The following LRRIQ3 variants were observed in gnomAD, a reference collection of about 807,000 sequenced individuals.
LRRIQ3 encodes the protein leucine-rich repeat and IQ domain-containing protein 3.
Under a neutral mutation model 59.3 loss-of-function variants are expected in LRRIQ3, and 75 were observed. The ratio of observed to expected loss-of-function variants is 1.26; its 90% CI spans 1.05 to 1.53. The LOEUF (loss-of-function observed/expected upper bound fraction) is 1.53, where lower values mean the gene tolerates loss of function less well. Ranked by LOEUF, LRRIQ3 falls within the 40% of genes most tolerant of loss-of-function variation. LRRIQ3 has a pLI of 0.00. For synonymous variants in LRRIQ3, 250 were observed against 231.3 expected, an observed-to-expected ratio of 1.08 and a Z score of -0.73; for missense variants, 831 against 710.0, an observed-to-expected ratio of 1.17 and a Z score of -1.94.
chr1:74,197,453 G>C (rs1285111042), intron 1 of LRRIQ3, among the ~76,000 whole-genome samples: 1 of 151,930 alleles, frequency 6.6e-6, no homozygotes, highest in Non-Finnish European at 1.5e-5. Flanking sequence ...AAGAAACCTC[G>C]TGTTCTATAA....
intron 5 of LRRIQ3, among the ~76,000 whole-genome samples, chr1:74,094,534 G>A (rs527362316): frequency 1.2e-4 from 18 of 152,134 alleles, no homozygotes; most frequent in Admixed American, 6.6e-4. Context: ...AAAAACATCA[G>A]CCATGTAAAC....
intron 6 of LRRIQ3, 44 bp downstream of exon 6, chr1:74,074,617 C>A: frequency 1.1e-6 from 1 of 923,886 alleles, no homozygotes. Flanking sequence ...TACTCTTCAT[C>A]AAAATATATT....
rs775891642 is a variant in LRRIQ3 at position 74,041,250 on chromosome 1, A to T, written c.1681T>A (p.Tyr561Asn). The T allele has an allele frequency of 6.3e-6, 10 of 1,590,966 alleles. No individual in the cohort carries two copies. In the South Asian group the frequency reaches 1.1e-4, roughly 17 times the overall value. ...IVKQKLKAEK[Y>N]RKNLLKEMKK... ...ATTTCTTTAAGTAAATTCTTTCTAT[A>T]TTTTTCTGCTTTTAGTTTTTGCTTA... The change falls in exon 7 of 8, where the codon TAT becomes AAT. Residue 561 changes from tyrosine (Y) to asparagine (N), a missense_variant. Coordinates refer to ENST00000354431, the MANE Select transcript of LRRIQ3 (RefSeq NM_001105659.2).
At chr1:74,187,349 T>C (rs528428381) in intron 1 of LRRIQ3, among the ~76,000 whole-genome samples, 2 of 122,668 alleles carry the variant, frequency 1.6e-5, no homozygotes, top group East Asian at 7.4e-4. Context: ...TATAGGTATA[T>C]GTTTACACAC....
Position 74,132,118 on chromosome 1 carries a change from T to G in LRRIQ3, c.708-22565A>C, listed in dbSNP as rs552470813. On this transcript the variant is annotated intron_variant, in intron 4 of 7. Transcript: ENST00000354431. ...AGCCAAATCATGAGTGAACTCCCAT[T>G]CACAACTGCATCAAAGAGAATAAAA... Among the ~76,000 whole-genome samples, 9 of 152,128 alleles carry G rather than the reference T, an allele frequency of 5.9e-5. No homozygotes were observed. The South Asian group carries it at 1.5e-3, about 25-fold the overall frequency.
intron 3 of LRRIQ3, among the ~76,000 whole-genome samples, chr1:74,157,828 A>T (rs1005751081): frequency 1.3e-5 from 2 of 152,152 alleles, no homozygotes; most frequent in Non-Finnish European, 2.9e-5. Context: ...TTCTAAGTTC[A>T]TAGCTTGAAC....
intron 4 of LRRIQ3, among the ~76,000 whole-genome samples, chr1:74,129,819 G>T (rs139958812): frequency 1.6e-4 from 24 of 152,028 alleles, no homozygotes; most frequent in Middle Eastern, 3.4e-3. Context: ...TTCCAGGACT[G>T]GGTCTTTCTC....
intron 4 of LRRIQ3, among the ~76,000 whole-genome samples, chr1:74,132,700 T>A (rs187831974): frequency 2.6e-5 from 4 of 152,134 alleles, no homozygotes; most frequent in Admixed American, 2.0e-4. Context: ...TTATACCTTA[T>A]ACAAAAATTA....
chr1:74,109,339 A>T, intron 5 of LRRIQ3, 55 bp downstream of exon 5: 1 of 1,221,104 alleles, frequency 8.2e-7, no homozygotes. Context: ...CCTAAATCAT[A>T]ACTTTAATAT....
At chr1:74,132,544 C>A (rs973743105) in intron 4 of LRRIQ3, among the ~76,000 whole-genome samples, 1 of 151,912 alleles carries the variant, frequency 6.6e-6, no homozygotes, top group African/African-American at 2.4e-5. Flanking sequence ...AGAACAGAGC[C>A]CTCAGAAATA....
At chr1:74,150,085 T>C (rs2100655129) in intron 4 of LRRIQ3, among the ~76,000 whole-genome samples, 1 of 152,322 alleles carries the variant, frequency 6.6e-6, no homozygotes, top group East Asian at 1.9e-4. Context: ...AATCAGGAGA[T>C]GTGCCCCTTT....
Position 74,183,443 on chromosome 1 carries a change from C to A in LRRIQ3, c.242G>T (p.Gly81Val). Reference protein sequence around the residue: ...CIKLIKLDLHGNQIKSLPNTK... With the variant: ...CIKLIKLDLHVNQIKSLPNTK... ...GAAATGGCTATTGCTTACCTGATTT[C>A]CATGGAGATCAAGTTTGATTAATTT... Residue 81 changes from glycine to valine, a missense_variant, in exon 2 of 8, where the codon GGA (glycine) becomes GTA (valine). Gly to Val is a moderately radical substitution (Grantham distance 109). Transcript: ENST00000354431. 1.3e-6 allele frequency: 2 copies of A among 1,572,022 alleles called. No individual in the cohort carries two copies. Among genetic ancestry groups the A allele is most frequent in the Non-Finnish European group, 1.7e-6 (2 of 1,159,874 alleles).
intron 7 of LRRIQ3, among the ~76,000 whole-genome samples, chr1:74,031,682 A>C (rs1653723305): frequency 6.6e-6 from 1 of 152,108 alleles, no homozygotes. Context: ...TACTGGGTGC[A>C]GCACACCAAC....
chr1:74,132,952 T>G (rs1285188893), intron 4 of LRRIQ3, among the ~76,000 whole-genome samples: 1 of 152,072 alleles, frequency 6.6e-6, no homozygotes, highest in African/African-American at 2.4e-5. Flanking sequence ...AGAAAAATTT[T>G]GCAATCTACT....
At chr1:74,084,919 C>A (rs756886461) in intron 5 of LRRIQ3, among the ~76,000 whole-genome samples, 12 of 151,532 alleles carry the variant, frequency 7.9e-5, no homozygotes, top group Non-Finnish European at 1.6e-4. Context: ...TACTGGTAAC[C>A]CCCTTACTTT....
At position 74,186,950 on chromosome 1, in the gene LRRIQ3, AG is replaced by A. The variant is rs200825558; in HGVS notation, c.1-3267del. On this transcript the variant is annotated intron_variant, in intron 1 of 7. Transcript: ENST00000354431. Reference sequence around the variant, plus strand: ...CTTTAATCAATGACTATTATAAGCAAGAAAAAAAATCACTAATCATCAGGGA... The same window carrying A: ...CTTTAATCAATGACTATTATAAGCAAAAAAAAAATCACTAATCATCAGGGA... 7.2e-3 allele frequency among the ~76,000 whole-genome samples: 1,092 copies of A among 151,024 alleles called. 23 individuals are homozygous for A. The highest frequency in any genetic ancestry group is 0.042 in the Admixed American group (633 of 15,128).
chr1:74,040,489 T>G (rs112411056), intron 7 of LRRIQ3, among the ~76,000 whole-genome samples: 2,923 of 152,262 alleles, frequency 0.019, 82 homozygotes, highest in African/African-American at 0.067. Context: ...AGAATATACA[T>G]TCTTCTCAGT....
intron 6 of LRRIQ3, among the ~76,000 whole-genome samples, chr1:74,068,979 G>A (rs1041324974): frequency 1.3e-5 from 2 of 152,114 alleles, no homozygotes; most frequent in East Asian, 1.9e-4. Flanking sequence ...TAGAGTATTC[G>A]TTTCAGATAT....
intron 5 of LRRIQ3, among the ~76,000 whole-genome samples, chr1:74,105,547 C>T (rs1646599543): frequency 6.6e-6 from 1 of 151,926 alleles, no homozygotes; most frequent in Non-Finnish European, 1.5e-5. Flanking sequence ...GCCACCATGG[C>T]TGGCCTATGT....
Sources: gnomAD v4.1 joint callset for allele counts (sites outside exome capture counted in the v4.1 genomes callset) on GRCh38, gnomAD v4.1.1 for gene constraint, MANE v1.5 for transcripts, NCBI Gene and HGNC (gene_info 2026-07-23, HGNC 2026-07-21) for gene names.